The following PDE8B variants were observed in gnomAD, a reference collection of about 807,000 sequenced individuals.
PDE8B encodes the protein high affinity cAMP-specific and IBMX-insensitive 3',5'-cyclic phosphodiesterase 8B.
Under a neutral mutation model 101.3 loss-of-function variants are expected in PDE8B, and 26 were observed. The observed-to-expected ratio is 0.26, with a 90% confidence interval of 0.19 to 0.36. PDE8B has a LOEUF of 0.36. Among genes scored for constraint, PDE8B ranks in the 10% least tolerant of loss-of-function variants. PDE8B has a pLI of 1.00. For synonymous variants in PDE8B, 424 were observed against 429.3 expected, an observed-to-expected ratio of 0.99 and a Z score of 0.15; for missense variants, 810 against 1,163.1, an observed-to-expected ratio of 0.70 and a Z score of 4.42.
chr5:77,266,992 C>T (rs1192147656), intron 1 of PDE8B, among the ~76,000 whole-genome samples: 2 of 152,048 alleles, frequency 1.3e-5, no homozygotes, highest in African/African-American at 2.4e-5. Flanking sequence ...TTTATATACT[C>T]ATTGTGAGTT....
intron 1 of PDE8B, among the ~76,000 whole-genome samples, chr5:77,280,801 G>T (rs1229641130): frequency 6.6e-6 from 1 of 152,232 alleles, no homozygotes; most frequent in African/African-American, 2.4e-5. Flanking sequence ...GGAGGCTGAG[G>T]CAGGAGAATC....
intron 5 of PDE8B, among the ~76,000 whole-genome samples, chr5:77,332,006 C>A (rs971839733): frequency 2.0e-5 from 3 of 152,092 alleles, no homozygotes; most frequent in Admixed American, 1.3e-4. Context: ...AAGAATTACT[C>A]CAAGGAAACT....
intron 10 of PDE8B, among the ~76,000 whole-genome samples, chr5:77,356,975 GAA>G (rs1319086471): frequency 2.0e-5 from 3 of 152,136 alleles, no homozygotes; most frequent in Admixed American, 1.3e-4. Flanking sequence ...GAGCCTCCAG[GAA>G]AAGATACTGT....
the PDE8B span, among the ~76,000 whole-genome samples, chr5:77,132,930 C>A: frequency 2.6e-5 from 4 of 152,366 alleles, no homozygotes; most frequent in Middle Eastern, 3.4e-3. Context: ...AAAACAATTT[C>A]ACTCAGAATT....
At chr5:77,158,551 A>G in the PDE8B span, among the ~76,000 whole-genome samples, 5 of 152,346 alleles carry the variant, frequency 3.3e-5, no homozygotes, top group African/African-American at 1.2e-4. Context: ...AGAGATTTGT[A>G]TAAACTGGAG....
intron 10 of PDE8B, among the ~76,000 whole-genome samples, chr5:77,387,678 T>TC (rs1343509827): frequency 6.6e-6 from 1 of 152,240 alleles, no homozygotes; most frequent in Non-Finnish European, 1.5e-5. Flanking sequence ...GTTTTCCAAC[T>TC]TGGTTCCATT....
upstream of PDE8B, chr5:77,210,588 C>A (rs1276895183): frequency 2.6e-5 from 25 of 972,398 alleles, no homozygotes; most frequent in Non-Finnish European, 2.8e-5. The surrounding 1 kb of genome is among the most constrained non-coding windows in gnomAD (Gnocchi z 4.9). Flanking sequence ...GCGGGGGCCG[C>A]GCCGAGGGAG....
At chr5:77,100,520 A>G in the PDE8B span, 1 of 152,282 alleles carries the variant, frequency 6.6e-6, no homozygotes, top group Admixed American at 6.5e-5. Context: ...TTACCTCTCT[A>G]TCAGGGTCCC....
intron 11 of PDE8B, among the ~76,000 whole-genome samples, chr5:77,402,270 T>C (rs1215950757): frequency 6.6e-6 from 1 of 151,816 alleles, no homozygotes; most frequent in Non-Finnish European, 1.5e-5. Context: ...AATATATATA[T>C]ATAGAAACTT....
intron 2 of PDE8B, among the ~76,000 whole-genome samples, chr5:77,318,916 C>T (rs897851397): frequency 3.3e-5 from 5 of 152,128 alleles, no homozygotes; most frequent in East Asian, 1.9e-4. Flanking sequence ...TTAGAAATAA[C>T]GCTAGTAATA....
intron 19 of PDE8B, among the ~76,000 whole-genome samples, chr5:77,420,721 A>G (rs368802115): frequency 1.3e-4 from 20 of 152,172 alleles, no homozygotes; most frequent in African/African-American, 4.6e-4. Flanking sequence ...CTCCTTCCAC[A>G]GAAGACTTAC....
chr5:77,237,890 C>G (rs375223134), intron 1 of PDE8B, among the ~76,000 whole-genome samples: 2 of 152,110 alleles, frequency 1.3e-5, no homozygotes, highest in Non-Finnish European at 2.9e-5. Flanking sequence ...AGGTTCCCCC[C>G]ACCCCAGGAC....
At chr5:77,155,420 G>A in the PDE8B span, among the ~76,000 whole-genome samples, 10 of 152,196 alleles carry the variant, frequency 6.6e-5, no homozygotes, top group Admixed American at 6.5e-4. Context: ...TAGGAGTGTA[G>A]GATCCAGGCC....
intron 1 of PDE8B, among the ~76,000 whole-genome samples, chr5:77,285,056 A>G (rs1765724420): frequency 6.6e-6 from 1 of 152,174 alleles, no homozygotes; most frequent in African/African-American, 2.4e-5. Context: ...GTCCAGAGTA[A>G]TAATTTTCCT....
chr5:77,291,585 T>C, intron 1 of PDE8B: 1 of 1,598,022 alleles, frequency 6.3e-7, no homozygotes, highest in South Asian at 1.1e-5. Context: ...GGGCAGAATC[T>C]TTCGCTGGCT....
At chr5:77,121,037 G>A in the PDE8B span, among the ~76,000 whole-genome samples, 1 of 152,200 alleles carries the variant, frequency 6.6e-6, no homozygotes, top group East Asian at 1.9e-4. Flanking sequence ...GAAGTATTGT[G>A]TTAGTTACTC....
At chr5:77,134,310 A>C in the PDE8B span, 1 of 152,260 alleles carries the variant, frequency 6.6e-6, no homozygotes, top group Non-Finnish European at 1.5e-5. Context: ...AACAGGAAGA[A>C]TACATGGGTC....
chr5:77,311,872 A>G (rs1454458269), intron 1 of PDE8B, 122 bp from the exon 2 acceptor site: 3 of 823,272 alleles, frequency 3.6e-6, no homozygotes, highest in Non-Finnish European at 6.5e-6. Flanking sequence ...TCTCCAGTTC[A>G]GTAAGCTGGA....
At chr5:77,130,765 T>G in the PDE8B span, among the ~76,000 whole-genome samples, 3 of 152,232 alleles carry the variant, frequency 2.0e-5, no homozygotes, top group Non-Finnish European at 4.4e-5. Context: ...TACGTTTTGT[T>G]GCCAAATGAG....
Sources: gnomAD v4.1 joint callset for allele counts (sites outside exome capture counted in the v4.1 genomes callset) on GRCh38, gnomAD v4.1.1 for gene constraint, Gnocchi (gnomAD v3.1) non-coding constraint, MANE v1.5 for transcripts, NCBI Gene and HGNC (gene_info 2026-07-23, HGNC 2026-07-21) for gene names.